The following MTAP variants were observed in gnomAD, a reference collection of about 807,000 sequenced individuals.
MTAP encodes S-methyl-5'-thioadenosine phosphorylase.
MTAP carries 33 observed loss-of-function variants against 33.6 expected under a neutral mutation model. The observed-to-expected ratio is 0.98, with a 90% CI of 0.74 to 1.31. The LOEUF is 1.31. Ranked by LOEUF, MTAP falls within the 40% of genes most tolerant of loss-of-function variation. The pLI is 0.00. For synonymous variants in MTAP, 148 were observed against 125.7 expected (o/e 1.18, Z -1.19); for missense variants, 367 against 360.0 (o/e 1.02, Z -0.16).
At chr9:21,914,329 C>T (rs983919652) in intron 1 of MTAP, among the ~76,000 whole-genome samples, 1 of 152,118 alleles carries the variant, frequency 6.6e-6, no homozygotes, top group Admixed American at 6.6e-5. Flanking sequence ...GACACATGCA[C>T]ACATATGTTT....
chr9:21,861,051 T>G (rs1221440023), intron 7 of MTAP: 2 of 152,204 alleles, frequency 1.3e-5, no homozygotes, highest in Non-Finnish European at 2.9e-5. Context: ...CATGAGCCAC[T>G]GCGCCCAGCC....
Position 21,922,222 on chromosome 9 carries a change from C to T in MTAP, c.148-8786C>T, listed in dbSNP as rs1051852232. Reference sequence around the variant, plus strand: ...AAAACGCCTCAAGTGAGCATGCACACAACTTCAGTAAATACACTGTGCATG... The same window carrying T: ...AAAACGCCTCAAGTGAGCATGCACATAACTTCAGTAAATACACTGTGCATG... On this transcript the variant is annotated intron_variant, in intron 1 of 1. Coordinates refer to the MTAP transcript ENST00000577563. The surrounding 1 kb of genome is among the most constrained non-coding windows in gnomAD (Gnocchi z 4.8). Among the ~76,000 whole-genome samples the T allele has an allele frequency of 9.9e-5, 15 of 151,938 alleles. 1 individual carries two copies. Among genetic ancestry groups the T allele is most frequent in the Middle Eastern group, 3.2e-3 (1 of 316 alleles).
At chr9:21,827,334 G>A (rs116465216) in intron 4 of MTAP, among the ~76,000 whole-genome samples, 356 of 152,252 alleles carry the variant, frequency 2.3e-3, no homozygotes, top group African/African-American at 8.3e-3. Context: ...CCTGCTCCTA[G>A]AGCTTCTGCT....
In MTAP at chr9:21,864,869, GC is replaced by G; in HGVS notation, c.*2856del. The G allele has an allele frequency of 1.0e-6, 1 of 985,454 alleles. No individual in the cohort carries two copies. The highest frequency in any genetic ancestry group is 1.2e-6 in the Non-Finnish European group (1 of 829,948). 61.0% of individuals were successfully genotyped at this position (985,454 alleles called of 1,614,324 possible). On this transcript the variant is annotated 3_prime_UTR_variant, in exon 8 of 8. Coordinates refer to ENST00000644715, the MANE Select transcript of MTAP (RefSeq NM_002451.4). ...CCTCTTCTCTGGCTGCTACCTCAGG[GC>G]ATGGTTGTGGCCCCACCAACACCTA...
At chr9:21,905,288 G>A (rs898247933) in intron 1 of MTAP, among the ~76,000 whole-genome samples, 3 of 152,238 alleles carry the variant, frequency 2.0e-5, no homozygotes, top group Admixed American at 1.3e-4. Context: ...AAGGGGAATG[G>A]AGTGTCTTAG....
intron 1 of MTAP, among the ~76,000 whole-genome samples, chr9:21,910,104 T>C (rs1336181410): frequency 6.6e-6 from 1 of 152,184 alleles, no homozygotes. Context: ...CATTTATTCA[T>C]TTGCTATGTA....
Position 21,887,739 on chromosome 9 carries a change from G to A in MTAP, c.147+32869G>A, listed in dbSNP as rs142442624. 5.6e-3 allele frequency among the ~76,000 whole-genome samples: 851 copies of A among 152,288 alleles called. 16 individuals carry two copies. Among genetic ancestry groups the A allele is most frequent in the East Asian group, 0.053 (277 of 5,180 alleles). ...TTACAGTCCCACCAACAGTGTAAAA[G>A]TGTTCCTATTTCTCCACATCCTCTC... On this transcript the variant is annotated intron_variant, in intron 1 of 1. Transcript: ENST00000577563.
chr9:21,827,039 C>G (rs893134614), intron 4 of MTAP, among the ~76,000 whole-genome samples: 1 of 152,150 alleles, frequency 6.6e-6, no homozygotes, highest in Non-Finnish European at 1.5e-5. Context: ...CCCTCTGACC[C>G]TCTCTGTGGA....
At chr9:21,905,752 G>A (rs1314838721) in intron 1 of MTAP, among the ~76,000 whole-genome samples, 1 of 152,164 alleles carries the variant, frequency 6.6e-6, no homozygotes, top group African/African-American at 2.4e-5. Context: ...CTCCCTGATG[G>A]AGACAAGACT....
At chr9:21,867,474 T>C (rs1181179377), downstream of MTAP, among the ~76,000 whole-genome samples, 2 of 152,210 alleles carry the variant, frequency 1.3e-5, no homozygotes, top group East Asian at 3.8e-4. Flanking sequence ...GATTCTTTAA[T>C]GTTAAACTGA....
At chr9:21,820,916 G>C (rs991512822) in intron 4 of MTAP, among the ~76,000 whole-genome samples, 1 of 152,072 alleles carries the variant, frequency 6.6e-6, no homozygotes, top group Non-Finnish European at 1.5e-5. Flanking sequence ...TCAAGATTTG[G>C]CTCTCTGTTT....
chr9:21,858,082 T>A (rs1825677141), intron 6 of MTAP, among the ~76,000 whole-genome samples: 1 of 152,212 alleles, frequency 6.6e-6, no homozygotes. Context: ...TAGCAGCCAA[T>A]CCATTAATTC....
chr9:21,869,138 C>A (rs1825897844), downstream of MTAP, among the ~76,000 whole-genome samples: 1 of 152,132 alleles, frequency 6.6e-6, no homozygotes, highest in Non-Finnish European at 1.5e-5. Context: ...AAATTCTTGA[C>A]CCCAATTCTA....
At chr9:21,838,213 A>T (rs1280991857) in intron 5 of MTAP, among the ~76,000 whole-genome samples, 2 of 152,138 alleles carry the variant, frequency 1.3e-5, no homozygotes, top group East Asian at 3.8e-4. Context: ...AAGCTGAACC[A>T]CTCAAAGTTG....
intron 4 of MTAP, among the ~76,000 whole-genome samples, chr9:21,829,355 G>C (rs904492351): frequency 6.6e-6 from 1 of 151,872 alleles, no homozygotes; most frequent in Non-Finnish European, 1.5e-5. Context: ...CCCACTACAC[G>C]TTGGTTCTTT....
At chr9:21,840,891 A>G (rs1825226284) in intron 5 of MTAP, among the ~76,000 whole-genome samples, 1 of 152,190 alleles carries the variant, frequency 6.6e-6, no homozygotes, top group African/African-American at 2.4e-5. Flanking sequence ...AGCCTGGGGC[A>G]AGGTCTGAGC....
At chr9:21,808,428 A>G (rs1400504881) in intron 1 of MTAP, among the ~76,000 whole-genome samples, 3 of 151,792 alleles carry the variant, frequency 2.0e-5, no homozygotes, top group Non-Finnish European at 4.4e-5. Flanking sequence ...CTGCAAAAAA[A>G]AAAAACAAAA....
rs1195919154 is a variant in MTAP at position 21,864,806 on chromosome 9, C to T, written c.*2792C>T. ...TGAGCCAGCTGCCCTGCAGGTGCCACGTGAGCCTGCTCTGGCATCCACAGG... is the reference window on the plus strand; with the variant it reads ...TGAGCCAGCTGCCCTGCAGGTGCCATGTGAGCCTGCTCTGGCATCCACAGG... On this transcript the variant is annotated 3_prime_UTR_variant, in exon 8 of 8. Coordinates refer to ENST00000644715, the MANE Select transcript of MTAP (RefSeq NM_002451.4). 1.1e-5 allele frequency: 11 copies of T among 985,358 alleles called. No individual in the cohort carries two copies. The highest frequency in any genetic ancestry group is 1.3e-5 in the Non-Finnish European group (11 of 829,988). The allele number at this position is 985,358 out of a possible 1,614,324, so 61.0% of individuals were successfully genotyped here. A position where few individuals can be genotyped will look rare whatever the true frequency, so the allele number is the denominator to read the frequency against.
At chr9:21,874,363 A>T (rs942118939) in intron 1 of MTAP, among the ~76,000 whole-genome samples, 1 of 152,222 alleles carries the variant, frequency 6.6e-6, no homozygotes, top group African/African-American at 2.4e-5. Flanking sequence ...TGACTATTCA[A>T]AATTTCAAAT....
Sources: allele counts gnomAD v4.1 joint callset (sites outside exome capture counted in the v4.1 genomes callset), GRCh38; gene constraint gnomAD v4.1.1; non-coding constraint Gnocchi (gnomAD v3.1); transcripts MANE v1.5; gene names NCBI Gene and HGNC (gene_info 2026-07-23, HGNC 2026-07-21).